TET1: variants seen among roughly 807,000 people sequenced by gnomAD.
TET1 encodes tet methylcytosine dioxygenase 1.
A neutral mutation model predicts 148.7 loss-of-function variants in TET1; 13 were observed. That is an observed-to-expected ratio of 0.09 (90% CI 0.06 to 0.14). The LOEUF is 0.14. TET1 is among the 10% of genes least tolerant of loss of function. The pLI, the probability that TET1 is intolerant of heterozygous loss-of-function variation, is 1.00. For missense variants in TET1, 2,182 were observed against 2,553.8 expected, an observed-to-expected ratio of 0.85 and a Z score of 3.14; for synonymous variants, 907 against 937.2, an observed-to-expected ratio of 0.97 and a Z score of 0.59.
intron 11 of TET1, 29 bp from the exon 12 acceptor site, chr10:68,690,779 T>A: frequency 6.5e-7 from 1 of 1,531,946 alleles, no homozygotes; most frequent in Non-Finnish European, 8.8e-7. Context: ...TAATTTGTAT[T>A]TTTCTTCACA....
intron 8 of TET1, chr10:68,674,826 T>A (rs1292966215): frequency 2.1e-6 from 1 of 475,594 alleles, no homozygotes; most frequent in African/African-American, 2.0e-5. Context: ...TTGATGGAAA[T>A]CATGACCCGA....
Position 68,686,650 on chromosome 10 carries a change from C to A in TET1, c.5347C>A (p.Arg1783=), listed in dbSNP as rs558226101. The change falls in exon 11 of 12, where the codon CGG becomes AGG. Residue 1783 remains arginine (R), a synonymous_variant. Transcript: ENST00000373644. The part of the protein sequence containing the change: ...VEKKPIPRIK[R]KNNSTTTNNS... ...AAAGAAACCTATTCCCCGAATCAAG[C>A]GGAAGAATAACTCAACAACAACAAA... 3.1e-6 allele frequency: 5 copies of A among 1,614,090 alleles called. No individual in the cohort carries two copies. The highest frequency in any genetic ancestry group is 4.2e-6 in the Non-Finnish European group (5 of 1,180,018).
chr10:68,598,705 T>C (rs931280598), intron 2 of TET1, among the ~76,000 whole-genome samples: 5 of 150,578 alleles, frequency 3.3e-5, no homozygotes, highest in African/African-American at 7.3e-5. Context: ...TCTTTCTTTT[T>C]TTTTTTTTTT....
intron 4 of TET1, 52 bp from the exon 5 acceptor site, chr10:68,651,794 C>A: frequency 7.4e-7 from 1 of 1,360,172 alleles, no homozygotes; most frequent in Non-Finnish European, 1.0e-6. Flanking sequence ...TTCTCCTGTC[C>A]CCTATGCAAT....
chr10:68,572,884 A>G lies in TET1; in HGVS notation c.546A>G (p.Lys182=). 6.2e-7 allele frequency: 1 copy of G among 1,614,166 alleles called. No individual in the cohort carries two copies. The highest frequency in any genetic ancestry group is 8.5e-7 in the Non-Finnish European group (1 of 1,180,040). Residue 182 remains lysine (K), a synonymous_variant, in exon 2 of 12, where the codon AAA becomes AAG. Coordinates refer to ENST00000373644, the MANE Select transcript of TET1 (RefSeq NM_030625.3). ...GTGTACAAAATCCCTCTTTACTTAA[A>G]GGTAAGAGCCAAGAGACAACTCAGT... ...LIGVQNPSLL[K]GKSQETTQFW...
chr10:68,651,167 A>C (rs1247067784), intron 4 of TET1, among the ~76,000 whole-genome samples: 1 of 152,166 alleles, frequency 6.6e-6, no homozygotes, highest in Non-Finnish European at 1.5e-5. Context: ...TAATTGTGCA[A>C]ATGTATAGTA....
chr10:68,635,948 G>T (rs1320289471), intron 3 of TET1, among the ~76,000 whole-genome samples: 5 of 152,226 alleles, frequency 3.3e-5, no homozygotes, highest in Admixed American at 2.6e-4. Context: ...AGTTTTAAGT[G>T]AAAATTCTCC....
At chr10:68,642,057 T>TGTTTGGA (rs2054764440) in intron 3 of TET1, among the ~76,000 whole-genome samples, 1 of 152,248 alleles carries the variant, frequency 6.6e-6, no homozygotes, top group South Asian at 2.1e-4. Flanking sequence ...GTGTATACAC[T>TGTTTGGA]GTGTAATTGG....
At chr10:68,683,038 A>T in intron 10 of TET1, 65 bp downstream of exon 10, 2 of 1,542,164 alleles carry the variant, frequency 1.3e-6, no homozygotes, top group Non-Finnish European at 1.8e-6. Context: ...TGCAGTCCTT[A>T]CGTATACTGT....
chr10:68,576,513 C>T (rs68122210), intron 2 of TET1, among the ~76,000 whole-genome samples: 45,027 of 151,740 alleles, frequency 0.3, 7,817 homozygotes, highest in Middle Eastern at 0.43. Context: ...AGATACAAAA[C>T]TAACTGGGTG....
chr10:68,587,321 C>T (rs1235462787), intron 2 of TET1, among the ~76,000 whole-genome samples: 1 of 152,120 alleles, frequency 6.6e-6, no homozygotes, highest in Non-Finnish European at 1.5e-5. Context: ...CAGAGTTGAT[C>T]CAAGCCATGG....
In TET1 at chr10:68,572,562, C is replaced by T. The variant is rs774608784; in HGVS notation, c.224C>T (p.Thr75Ile). ...KPPVPVRSLL[T>I]RAGAARMNLD... ...CCCGTGCCAGTCAGAAGCCTTCTGA[C>T]AAGAGCTGGAGCAGCACGCATGAAT... Residue 75 changes from threonine to isoleucine, a missense_variant, in exon 2 of 12, where the codon ACA (threonine) becomes ATA (isoleucine). Thr to Ile is a moderately conservative substitution (Grantham distance 89, BLOSUM62 -1). Around this residue, in one of 11 missense-constraint regions of TET1, gnomAD observed 665 missense variants for 672.4 expected, o/e 0.99. Coordinates refer to ENST00000373644, the MANE Select transcript of TET1 (RefSeq NM_030625.3). 2 of 1,614,014 alleles carry T rather than the reference C, an allele frequency of 1.2e-6. No homozygotes were observed. The highest frequency in any genetic ancestry group is 1.7e-5 in the Admixed American group (1 of 59,996).
In TET1 at chr10:68,646,037, C is replaced by A. The variant is rs769875993; in HGVS notation, c.3308C>A (p.Thr1103Lys). Residue 1103 changes from threonine to lysine, a missense_variant, in exon 4 of 12, where the codon ACA (threonine) becomes AAA (lysine). Physicochemically the swap from Thr to Lys is moderately conservative, Grantham distance 78. Transcript: ENST00000373644. Reference protein sequence around the residue: ...IKPEDKKVESTPTSLVTCNVQ... With the variant: ...IKPEDKKVESKPTSLVTCNVQ... The stretch of plus-strand genomic sequence containing the variant: ...CCAGAGGACAAAAAAGTTGAAAGTA[C>A]ACCAACAAGCCTTGTCACATGTAAT... The A allele has an allele frequency of 1.9e-6, 3 of 1,614,012 alleles. No individual in the cohort carries two copies. In the South Asian group the frequency reaches 3.3e-5, roughly 18 times the overall value.
At chr10:68,578,527 C>T (rs920100280) in intron 2 of TET1, among the ~76,000 whole-genome samples, 2 of 151,962 alleles carry the variant, frequency 1.3e-5, no homozygotes, top group Admixed American at 1.3e-4. Context: ...CAAAGTGCTG[C>T]GATTACTGCG....
At chr10:68,650,093 A>G (rs1456304458) in intron 4 of TET1, among the ~76,000 whole-genome samples, 1 of 152,166 alleles carries the variant, frequency 6.6e-6, no homozygotes, top group East Asian at 1.9e-4. Flanking sequence ...ACTGAGCAGT[A>G]TTGGTGTTTT....
intron 2 of TET1, among the ~76,000 whole-genome samples, chr10:68,580,427 C>T (rs558839724): frequency 7.2e-6 from 1 of 139,666 alleles, no homozygotes; most frequent in East Asian, 2.2e-4. Context: ...TCAAGTCATT[C>T]ACCCACCTCA....
rs765096454 is a variant in TET1, at chr10:68,573,599, A to G, written c.1261A>G (p.Met421Val). ...TILDQQETLG[M>V]SGSVVPDLPV... ...TTTAGACCAACAAGAAACTCTTGGT[A>G]TGAGTGGGAGTGTTGTCCCAGACTT... Residue 421 changes from methionine to valine, a missense_variant, in exon 2 of 12, where the codon ATG (methionine) becomes GTG (valine). Physicochemically the swap from Met to Val is conservative, Grantham distance 21. This residue lies in a region of TET1 where 665 missense variants were observed against 672.4 expected (regional missense o/e 0.99). Transcript: ENST00000373644. 4.3e-6 allele frequency: 7 copies of G among 1,614,054 alleles called. No individual in the cohort carries two copies. The highest frequency in any genetic ancestry group is 2.7e-5 in the African/African-American group (2 of 74,916).
intron 1 of TET1, among the ~76,000 whole-genome samples, 155 bp from the exon 2 acceptor site, chr10:68,572,062 G>A (rs1003850363): frequency 6.6e-6 from 1 of 152,184 alleles, no homozygotes; most frequent in Non-Finnish European, 1.5e-5. Context: ...AGGCTGTGCT[G>A]AGCTGTGATC....
At chr10:68,643,788 G>A (rs1207061795) in intron 3 of TET1, among the ~76,000 whole-genome samples, 1 of 151,642 alleles carries the variant, frequency 6.6e-6, no homozygotes, top group African/African-American at 2.4e-5. Flanking sequence ...ACTCCAGCCT[G>A]GGCAACACAG....
Sources: allele counts gnomAD v4.1 joint callset (sites outside exome capture counted in the v4.1 genomes callset), GRCh38; gene constraint gnomAD v4.1.1; regional missense constraint gnomAD v4.1.1; transcripts MANE v1.5; gene names NCBI Gene and HGNC (gene_info 2026-07-23, HGNC 2026-07-21).